Variants in ADAM33 observed in about 807,000 individuals in gnomAD.
ADAM33 encodes ADAM metallopeptidase domain 33, also known as disintegrin and metalloproteinase domain-containing protein 33.
Under a neutral mutation model 106.2 loss-of-function variants are expected in ADAM33, and 103 were observed. The ratio of observed to expected loss-of-function variants is 0.97; its 90% CI spans 0.83 to 1.14. ADAM33 has a LOEUF of 1.14. Ranked by LOEUF, ADAM33 falls within the 50% of genes most tolerant of loss-of-function variation. The pLI is 0.00. For synonymous variants in ADAM33, 483 were observed against 453.0 expected (o/e 1.07, Z -0.84); for missense variants, 1,120 against 1,096.6 (o/e 1.02, Z -0.30).
At position 3,677,080 on chromosome 20, in the gene ADAM33, G is replaced by T; in HGVS notation, c.241C>A (p.Leu81Met). 6.2e-7 allele frequency: 1 copy of T among 1,612,852 alleles called. No individual in the cohort carries two copies. Reference protein sequence around the residue: ...EAEGQELLLELEKNHRLLAPG... With the variant: ...EAEGQELLLEMEKNHRLLAPG... ...CCTGGCACTCACTGGTTCTTCTCCA[G>T]CTCAAGCAGGAGCTCCTGGCCTTCA... is the stretch of plus-strand genomic sequence containing the variant. The change falls in exon 3 of 22, where the codon CTG (leucine) becomes ATG (methionine). Residue 81 changes from leucine (L) to methionine (M), a missense_variant. Coordinates refer to ENST00000356518, the MANE Select transcript of ADAM33 (RefSeq NM_025220.5).
chr20:3,669,893 A>ACACCACC (rs17513846), intron 19 of ADAM33: 513,474 of 596,686 alleles, frequency 0.86, 222,287 homozygotes, highest in African/African-American at 0.92. Context: ...CCAGGCTCTG[A>ACACCACC]CAGCAGCCTG....
At chr20:3,670,983 G>A in intron 19 of ADAM33, 23 bp downstream of exon 19, 1 of 1,532,648 alleles carries the variant, frequency 6.5e-7, no homozygotes, top group Non-Finnish European at 8.8e-7. Context: ...AGTAGGCTCA[G>A]GAAGCAGGCG....
rs1421141358 is a variant in ADAM33 at position 3,668,697 on chromosome 20, G to A, written c.*266C>T. On this transcript the variant is annotated 3_prime_UTR_variant, in exon 22 of 22. Transcript: ENST00000356518. ...GCCTCCACTGGTGAGGGAGGTCAGG[G>A]GCTGTGTGACCTTTGCTTCTGGGAC... 3 of 508,592 alleles carry A rather than the reference G, an allele frequency of 5.9e-6. No individual in the cohort carries two copies. The highest frequency in any genetic ancestry group is 1.1e-5 in the Non-Finnish European group (3 of 279,414). The allele number at this position is 508,592 out of a possible 1,614,324, so 31.5% of individuals were successfully genotyped here.
chr20:3,672,801 G>T lies in ADAM33; in HGVS notation c.1231C>A (p.Pro411Thr). The T allele has an allele frequency of 6.4e-7, 1 of 1,573,218 alleles. No individual in the cohort carries two copies. The highest frequency in any genetic ancestry group is 8.6e-7 in the Non-Finnish European group (1 of 1,161,228). ...GGACLSNAPD[P>T]GLPVPPALCG... is the part of the protein sequence containing the mutation. ...AGCGCCGGCGGCACCGGGAGTCCGGGGTCCGGGGCATTGGAGAGGCAAGCG... is the reference window on the plus strand; with the variant it reads ...AGCGCCGGCGGCACCGGGAGTCCGGTGTCCGGGGCATTGGAGAGGCAAGCG... The change falls in exon 12 of 22, where the codon CCC becomes ACC. Residue 411 changes from proline to threonine, a missense_variant. Pro to Thr is a conservative substitution (Grantham distance 38, BLOSUM62 -1). Transcript: ENST00000356518.
chr20:3,673,113 G>A (rs191565034), intron 11 of ADAM33: 8 of 1,457,554 alleles, frequency 5.5e-6, no homozygotes, highest in African/African-American at 1.4e-5. Context: ...CGACCCGACG[G>A]TGCTCCTCCC....
Position 3,669,594 on chromosome 20 carries a change from G to T in ADAM33, c.2284C>A (p.His762Asn). 1 of 1,603,980 alleles carries T rather than the reference G, an allele frequency of 6.2e-7. No individual in the cohort carries two copies. The highest frequency in any genetic ancestry group is 8.5e-7 in the Non-Finnish European group (1 of 1,176,298). ...PHRDHPLGGV[H>N]PMELGPTATG... is the part of the protein sequence containing the mutation. The stretch of plus-strand genomic sequence containing the variant: ...GCTGTGGGGCCCAACTCCATGGGGT[G>T]AACGCCGCCCAGGGGGTGGTCCCTG... Residue 762 changes from histidine to asparagine, a missense_variant, in exon 20 of 22, where the codon CAC becomes AAC. Coordinates refer to ENST00000356518, the MANE Select transcript of ADAM33 (RefSeq NM_025220.5).
At chr20:3,679,447 G>A (rs1347915543) in intron 2 of ADAM33, 45 bp downstream of exon 2, 1 of 1,559,340 alleles carries the variant, frequency 6.4e-7, no homozygotes, top group Non-Finnish European at 8.7e-7. Flanking sequence ...AAAAGGGCTG[G>A]GAGGTTCAGG....
chr20:3,679,643 G>C (rs1430045826), intron 1 of ADAM33, 72 bp from the exon 2 acceptor site: 2 of 1,385,594 alleles, frequency 1.4e-6, no homozygotes, highest in East Asian at 2.5e-5. Flanking sequence ...GCAGAGGGAG[G>C]GGGGTAGAGG....
intron 1 of ADAM33, 120 bp downstream of exon 1, chr20:3,681,788 G>A (rs1316159174): frequency 1.4e-5 from 19 of 1,384,192 alleles, no homozygotes; most frequent in Middle Eastern, 5.0e-4. Flanking sequence ...CCTACTGGCC[G>A]TATGGTGCCG....
chr20:3,673,014 G>A (rs1394703843), intron 11 of ADAM33, 116 bp from the exon 12 acceptor site: 1 of 1,436,204 alleles, frequency 7.0e-7, no homozygotes, highest in Admixed American at 2.8e-5. Flanking sequence ...CCCAGAGAGG[G>A]GAAGTAACCC....
Position 3,673,769 on chromosome 20 carries a change from G to A in ADAM33, c.881C>T (p.Pro294Leu). Residue 294 changes from proline to leucine, a missense_variant, in exon 9 of 22, where the codon CCC becomes CTC. Pro to Leu is a moderately conservative substitution (Grantham distance 98). Coordinates refer to ENST00000356518, the MANE Select transcript of ADAM33 (RefSeq NM_025220.5). ...QWRRGLWAQR[P>L]HDSAQLLTGR... is the part of the protein sequence containing the mutation. ...CGTGAGCAGCTGCGCGGAGTCGTGG[G>A]GCCGCTGCGCCCACAGCCCCCGGCG... 1 of 1,527,576 alleles carries A rather than the reference G, an allele frequency of 6.5e-7. No homozygotes were observed. The highest frequency in any genetic ancestry group is 8.8e-7 in the Non-Finnish European group (1 of 1,142,466). 94.6% of individuals were successfully genotyped at this position (1,527,576 alleles called of 1,614,324 possible).
In ADAM33 at chr20:3,674,225, G is replaced by A. The variant is rs780784514; in HGVS notation, c.660C>T (p.His220=). The A allele has an allele frequency of 8.1e-6, 13 of 1,613,996 alleles. No homozygotes were observed. The highest frequency in any genetic ancestry group is 1.0e-5 in the Non-Finnish European group (12 of 1,180,050). Residue 220 remains histidine (H), a synonymous_variant, in exon 7 of 22, where the codon CAC becomes CAT. Transcript: ENST00000356518. ...CCCTGGGGTCTCTCCTCACCAGGGT[G>A]TGGTCTGCCACAATGTACAGTTCCA... is the stretch of plus-strand genomic sequence containing the variant. The part of the protein sequence containing the change: ...KYLELYIVAD[H]TLFLTRHRNL...
Position 3,673,841 on chromosome 20 carries a change from C to A in ADAM33, c.809G>T (p.Arg270Leu). 1 of 1,564,928 alleles carries A rather than the reference C, an allele frequency of 6.4e-7. No homozygotes were observed. The highest frequency in any genetic ancestry group is 8.6e-7 in the Non-Finnish European group (1 of 1,163,510). The change falls in exon 9 of 22, where the codon CGC becomes CTC. Residue 270 changes from arginine to leucine, a missense_variant. Physicochemically the swap from Arg to Leu is moderately radical, Grantham distance 102 (BLOSUM62 -2). Coordinates refer to ENST00000356518, the MANE Select transcript of ADAM33 (RefSeq NM_025220.5). ...CGTGGCGTTGGCGTCCTGCGTGACG[C>A]GGCTGCGGTCCCGCTCGGTCCACAC... ...LEVWTERDRS[R>L]VTQDANATLW...
chr20:3,673,543 T>C (rs749104573), intron 10 of ADAM33, 31 bp downstream of exon 10: 7 of 1,423,310 alleles, frequency 4.9e-6, no homozygotes, highest in East Asian at 2.8e-5. Context: ...GAGCCTCCTG[T>C]CTCTCCCTCG....
At chr20:3,670,975 T>C in intron 19 of ADAM33, 31 bp downstream of exon 19, 1 of 1,525,414 alleles carries the variant, frequency 6.6e-7, no homozygotes, top group African/African-American at 1.4e-5. Context: ...ACCGCAGGAG[T>C]AGGCTCAGGA....
chr20:3,673,961 G>A (rs1414208011), intron 8 of ADAM33, 50 bp from the exon 9 acceptor site: 3 of 1,588,092 alleles, frequency 1.9e-6, no homozygotes, highest in Non-Finnish European at 2.6e-6. Context: ...CATCGCGCCG[G>A]TGGTCCTTCG....
At chr20:3,669,831 T>C in intron 19 of ADAM33, 194 bp from the exon 20 acceptor site, 1 of 687,064 alleles carries the variant, frequency 1.5e-6, no homozygotes, top group Non-Finnish European at 2.6e-6. Context: ...AGGCTCCAAG[T>C]GAGCCTCATG....
rs1238128193 is a variant in ADAM33 at position 3,674,245 on chromosome 20, G to GTTCCAGGTAC, written c.630_639dup (p.Leu214ValfsTer136). On this transcript the variant is annotated frameshift_variant, in exon 7 of 22. Transcript: ENST00000356518. LOFTEE classifies it high-confidence loss of function. ...AGGGTGTGGTCTGCCACAATGTACA[G>GTTCCAGGTAC]TTCCAGGTACTTCCGGGTCCTGCGC... 6.2e-7 allele frequency: 1 copy of GTTCCAGGTAC among 1,614,100 alleles called. No homozygotes were observed. The highest frequency in any genetic ancestry group is 1.7e-5 in the Admixed American group (1 of 60,032).
In ADAM33 at chr20:3,681,990, G is replaced by C; in HGVS notation, c.15C>G (p.Pro5=). 6.5e-7 allele frequency: 1 copy of C among 1,535,786 alleles called. No individual in the cohort carries two copies. The highest frequency in any genetic ancestry group is 8.8e-7 in the Non-Finnish European group (1 of 1,140,578). The change falls in exon 1 of 22, where the codon CCC becomes CCG. Residue 5 remains proline, a synonymous_variant. Coordinates refer to ENST00000356518, the MANE Select transcript of ADAM33 (RefSeq NM_025220.5). ...GCAACGGGGTCCCCCGAGCTCTCCG[G>C]GGCCTCCAGCCCATAGCTGTGAGCT... MGWR[P]RRARGTPLLL...
Sources: allele counts gnomAD v4.1 joint callset, GRCh38; gene constraint gnomAD v4.1.1; transcripts MANE v1.5; gene names NCBI Gene and HGNC (gene_info 2026-07-23, HGNC 2026-07-21).